DNAJB12: variants seen among roughly 807,000 people sequenced by gnomAD.
DNAJB12 encodes dnaJ homolog subfamily B member 12.
A neutral mutation model predicts 40.6 loss-of-function variants in DNAJB12; 14 were observed. The observed-to-expected ratio is 0.34, with a 90% CI of 0.23 to 0.54. DNAJB12 has a LOEUF of 0.54. Among genes scored for constraint, DNAJB12 ranks in the 20% least tolerant of loss-of-function variants. DNAJB12 has a pLI of 0.92. For synonymous variants in DNAJB12, 181 were observed against 199.5 expected (o/e 0.91, Z 0.78); for missense variants, 444 against 501.7 (o/e 0.89, Z 1.10).
chr10:72,334,668 C>T (rs766547155), intron 8 of DNAJB12, 51 bp from the exon 9 acceptor site: 54 of 1,513,502 alleles, frequency 3.6e-5, no homozygotes, highest in Non-Finnish European at 4.7e-5. Flanking sequence ...GGCACCGGCT[C>T]CTCTAGCTTA....
rs1370880784 is a variant in DNAJB12, at chr10:72,335,524, G to A, written c.*30+256C>T. The A allele has an allele frequency of 2.5e-6, 3 of 1,219,542 alleles. No individual in the cohort carries two copies. Among genetic ancestry groups the A allele is most frequent in the Non-Finnish European group, 1.0e-6 (1 of 969,446 alleles). 75.5% of individuals were successfully genotyped at this position (1,219,542 alleles called of 1,614,324 possible). A position where few individuals can be genotyped will look rare whatever the true frequency, so the allele number is the denominator to read the frequency against. Reference sequence around the variant, plus strand: ...TCAAGTTCCCACTCTGCCTGGTTCTGGGGTCCCCCACACCCCTGGAGCCAG... The same window carrying A: ...TCAAGTTCCCACTCTGCCTGGTTCTAGGGTCCCCCACACCCCTGGAGCCAG... On this transcript the variant is annotated intron_variant, in intron 8 of 8. Transcript: ENST00000444643. The surrounding 1 kb of genome is among the most constrained non-coding windows in gnomAD (Gnocchi z 4.4).
rs11816142 is a variant in DNAJB12 at position 72,348,657 on chromosome 10, T to C, written c.134-3530A>G. The stretch of plus-strand genomic sequence containing the variant: ...CCACTGCTGCCGCACTCCGAGCTTG[T>C]GTGATCTTGCTGAGTCTTCAACTGG... On this transcript the variant is annotated intron_variant, in intron 1 of 8. Transcript: ENST00000444643. Among the ~76,000 whole-genome samples the C allele has an allele frequency of 9.5e-3, 1,449 of 152,334 alleles. 29 individuals carry two copies. Among genetic ancestry groups the C allele is most frequent in the African/African-American group, 0.033 (1,379 of 41,578 alleles).
chr10:72,336,033 C>T, intron 7 of DNAJB12, 102 bp from the exon 8 acceptor site: 1 of 1,485,872 alleles, frequency 6.7e-7, no homozygotes, highest in Non-Finnish European at 9.2e-7. Context: ...TGGTACATGC[C>T]CGGGGCTTGG....
At chr10:72,338,542 C>G (rs1431212810) in intron 5 of DNAJB12, among the ~76,000 whole-genome samples, 1 of 149,524 alleles carries the variant, frequency 6.7e-6, no homozygotes, top group Non-Finnish European at 1.5e-5. Context: ...TCTGCATTTA[C>G]TTTTGACAGA....
rs759689069 is a variant in DNAJB12 at position 72,335,900 on chromosome 10, A to G, written c.1038T>C (p.Phe346=). ...CTCTGTGGTACATATCTGTGTCGCCAAAGTAGCGTGCCCGGTACAGCAAGC... is the reference window on the plus strand; with the variant it reads ...CTCTGTGGTACATATCTGTGTCGCCGAAGTAGCGTGCCCGGTACAGCAAGC... ...KEGLLYRARY[F]GDTDMYHRAQ... Residue 346 remains phenylalanine, a synonymous_variant, in exon 8 of 9, where the codon TTT becomes TTC. Coordinates refer to ENST00000444643, the MANE Select transcript of DNAJB12 (RefSeq NM_017626.7). This position sits in a 1 kb window ranked among gnomAD's most constrained non-coding sequence, Gnocchi z 4.4. 5 of 1,614,124 alleles carry G rather than the reference A, an allele frequency of 3.1e-6. No individual in the cohort carries two copies. The highest frequency in any genetic ancestry group is 1.7e-5 in the Admixed American group (1 of 60,006).
intron 1 of DNAJB12, 89 bp downstream of exon 1, chr10:72,354,676 C>T: frequency 8.1e-7 from 1 of 1,235,994 alleles, no homozygotes; most frequent in Non-Finnish European, 1.1e-6. Flanking sequence ...CGCCACCCCT[C>T]CCCCTCCCCC....
At chr10:72,339,056 T>C (rs1861555345) in intron 5 of DNAJB12, among the ~76,000 whole-genome samples, 1 of 150,282 alleles carries the variant, frequency 6.7e-6, no homozygotes, top group South Asian at 2.1e-4. Context: ...GCCCAAGAGT[T>C]TGAGACCAGC....
At chr10:72,354,459 C>T (rs1589136176) in intron 1 of DNAJB12, 2 of 373,210 alleles carry the variant, frequency 5.4e-6, no homozygotes, top group East Asian at 4.6e-5. Flanking sequence ...TTCGAGTTCA[C>T]TTCCAGGTAA....
intron 6 of DNAJB12, 135 bp from the exon 7 acceptor site, chr10:72,336,831 C>CA: frequency 1.5e-6 from 1 of 667,610 alleles, no homozygotes; most frequent in Non-Finnish European, 2.5e-6. Context: ...GAGCAGGGAC[C>CA]CGCACACTCC....
At chr10:72,343,269 G>A (rs999207098) in intron 3 of DNAJB12, 97 bp downstream of exon 3, 28 of 1,473,044 alleles carry the variant, frequency 1.9e-5, no homozygotes, top group Middle Eastern at 2.4e-4. Flanking sequence ...ACTTCCTCCT[G>A]CTCCCTGCTT....
In DNAJB12 at chr10:72,335,589, G is replaced by A; in HGVS notation, c.*30+191C>T. The A allele has an allele frequency of 5.1e-6, 7 of 1,378,948 alleles. No homozygotes were observed. Among genetic ancestry groups the A allele is most frequent in the Non-Finnish European group, 6.6e-6 (7 of 1,064,728 alleles). The allele number at this position is 1,378,948 out of a possible 1,614,324, so 85.4% of individuals were successfully genotyped here. ...GAGTGGGGAGGACAGCATCGCTAGA[G>A]GGCGGAAACCGACCTTGGTTTCCCA... On this transcript the variant is annotated intron_variant, in intron 8 of 8. Coordinates refer to ENST00000444643, the MANE Select transcript of DNAJB12 (RefSeq NM_017626.7). This position sits in a 1 kb window ranked among gnomAD's most constrained non-coding sequence, Gnocchi z 4.4.
intron 1 of DNAJB12, 103 bp from the exon 2 acceptor site, chr10:72,345,230 AC>A: frequency 7.2e-7 from 1 of 1,381,672 alleles, no homozygotes. Context: ...CAGCAAAGCC[AC>A]CAGCTCCTGC....
chr10:72,334,720 G>T, intron 8 of DNAJB12, 103 bp from the exon 9 acceptor site: 1 of 1,419,494 alleles, frequency 7.0e-7, no homozygotes, highest in Non-Finnish European at 9.1e-7. Flanking sequence ...CCGCTGCACC[G>T]TGCTGCCCGC....
chr10:72,346,009 C>A (rs1049070485), intron 1 of DNAJB12, among the ~76,000 whole-genome samples: 5 of 151,268 alleles, frequency 3.3e-5, no homozygotes, highest in Non-Finnish European at 7.4e-5. Context: ...ATGGATAAAT[C>A]TGTAGTAATT....
intron 1 of DNAJB12, 44 bp downstream of exon 1, chr10:72,354,721 C>A (rs375432448): frequency 5.2e-6 from 8 of 1,535,500 alleles, no homozygotes; most frequent in Non-Finnish European, 6.2e-6. Context: ...GTGTTCCCCC[C>A]ATCAGTTCTA....
chr10:72,350,025 T>C (rs529714617), intron 1 of DNAJB12, among the ~76,000 whole-genome samples: 4 of 152,120 alleles, frequency 2.6e-5, no homozygotes, highest in Admixed American at 6.5e-5. Context: ...GGGAATTCGA[T>C]AGAAGAGAAC....
intron 1 of DNAJB12, among the ~76,000 whole-genome samples, chr10:72,351,782 C>A (rs976040346): frequency 3.9e-5 from 6 of 152,250 alleles, no homozygotes; most frequent in African/African-American, 1.2e-4. Flanking sequence ...CTCCAGGGAA[C>A]AGACGATACC....
At position 72,333,747 on chromosome 10, in the gene DNAJB12, CAA is replaced by C. The variant is rs1436179475; in HGVS notation, c.*899_*900del. ...GCTGGAGGGCTCCTGGGCACCAGGA[CAA>C]AGAGCCCACCAGCGCTGCTGAGAGG... On this transcript the variant is annotated 3_prime_UTR_variant, in exon 9 of 9. Coordinates refer to ENST00000444643, the MANE Select transcript of DNAJB12 (RefSeq NM_017626.7). 1.3e-5 allele frequency: 2 copies of C among 152,690 alleles called. No individual in the cohort carries two copies. Among genetic ancestry groups the C allele is most frequent in the Non-Finnish European group, 2.9e-5 (2 of 68,106 alleles). 9.5% of individuals were successfully genotyped at this position (152,690 alleles called of 1,614,324 possible). A position where few individuals can be genotyped will look rare whatever the true frequency, so the allele number is the denominator to read the frequency against.
In DNAJB12 at chr10:72,341,184, G is replaced by A. The variant is rs528685833; in HGVS notation, c.458-14C>T. 44 of 1,598,838 alleles carry A rather than the reference G, an allele frequency of 2.8e-5. No homozygotes were observed. The highest frequency in any genetic ancestry group is 3.5e-5 in the Non-Finnish European group (41 of 1,168,260). On this transcript the variant is annotated splice_polypyrimidine_tract_variant and intron_variant, in intron 3 of 8. Coordinates refer to ENST00000444643, the MANE Select transcript of DNAJB12 (RefSeq NM_017626.7). Reference sequence around the variant, plus strand: ...CTGTGCCAATGGCTGGAGAGGAGGAGGAAAGGTCAGGCCTGAGGATCCTGG... The same window carrying A: ...CTGTGCCAATGGCTGGAGAGGAGGAAGAAAGGTCAGGCCTGAGGATCCTGG...
Sources: gnomAD v4.1 joint callset for allele counts (sites outside exome capture counted in the v4.1 genomes callset) on GRCh38, gnomAD v4.1.1 for gene constraint, Gnocchi (gnomAD v3.1) non-coding constraint, MANE v1.5 for transcripts, NCBI Gene and HGNC (gene_info 2026-07-23, HGNC 2026-07-21) for gene names.